CFAP299: variants seen among roughly 807,000 people sequenced by gnomAD.
The protein encoded by CFAP299 is cilia and flagella associated protein 299, also known as cilia- and flagella-associated protein 299.
Under a neutral mutation model 27.0 loss-of-function variants are expected in CFAP299, and 21 were observed. The observed-to-expected ratio is 0.78, with a 90% CI of 0.55 to 1.12. CFAP299 has a LOEUF of 1.12. CFAP299 is among the 50% of genes most tolerant of loss of function. CFAP299 has a pLI of 0.00. For missense variants in CFAP299, 310 were observed against 276.6 expected (o/e 1.12, Z -0.86); for synonymous variants, 104 against 98.1 (o/e 1.06, Z -0.36).
chr4:80,380,945 ATATC>A (rs1420259008), intron 2 of CFAP299, among the ~76,000 whole-genome samples: 1 of 151,994 alleles, frequency 6.6e-6, no homozygotes, highest in Non-Finnish European at 1.5e-5. Context: ...AGATATTCTA[ATATC>A]TAGTATAATT....
intron 2 of CFAP299, among the ~76,000 whole-genome samples, chr4:80,538,951 C>T (rs1230313367): frequency 1.3e-5 from 2 of 152,126 alleles, no homozygotes; most frequent in African/African-American, 4.8e-5. Context: ...CTTGTGAATT[C>T]CTTAATAGGT....
chr4:80,867,496 A>G (rs1228250200), intron 3 of CFAP299, among the ~76,000 whole-genome samples: 1 of 152,234 alleles, frequency 6.6e-6, no homozygotes, highest in Non-Finnish European at 1.5e-5. Context: ...GACACTACAA[A>G]ATACCCCAGA....
At chr4:80,742,923 C>G (rs1724361255) in intron 3 of CFAP299, among the ~76,000 whole-genome samples, 1 of 152,156 alleles carries the variant, frequency 6.6e-6, no homozygotes, top group African/African-American at 2.4e-5. Flanking sequence ...GTAAATGCAA[C>G]TCACTTCAGC....
intron 3 of CFAP299, among the ~76,000 whole-genome samples, chr4:80,663,192 T>C (rs1249311889): frequency 6.6e-6 from 1 of 152,196 alleles, no homozygotes; most frequent in Non-Finnish European, 1.5e-5. Context: ...TGTGCAGGTT[T>C]GTTACATACG....
intron 3 of CFAP299, among the ~76,000 whole-genome samples, chr4:80,605,027 T>C (rs1004840986): frequency 4.6e-5 from 7 of 152,190 alleles, no homozygotes; most frequent in African/African-American, 1.7e-4. Flanking sequence ...CAAGATGATA[T>C]GTTTTGCTAC....
chr4:80,437,154 T>A (rs1728132482), intron 2 of CFAP299, among the ~76,000 whole-genome samples: 1 of 152,180 alleles, frequency 6.6e-6, no homozygotes, highest in Non-Finnish European at 1.5e-5. Context: ...TACAACTAAA[T>A]ATCATCTAGG....
At chr4:80,429,590 A>T (rs528803519) in intron 2 of CFAP299, among the ~76,000 whole-genome samples, 1 of 152,232 alleles carries the variant, frequency 6.6e-6, no homozygotes, top group Non-Finnish European at 1.5e-5. Flanking sequence ...TCTTTGGGTA[A>T]TGTGGACTGA....
At chr4:80,693,423 C>T (rs1461287933) in intron 3 of CFAP299, among the ~76,000 whole-genome samples, 6 of 151,396 alleles carry the variant, frequency 4.0e-5, no homozygotes, top group Non-Finnish European at 5.9e-5. Flanking sequence ...TGGAAATCAT[C>T]ATTCTCAGTA....
chr4:80,383,001 T>TA (rs1400657363), intron 2 of CFAP299, among the ~76,000 whole-genome samples: 3 of 152,064 alleles, frequency 2.0e-5, no homozygotes, highest in African/African-American at 4.8e-5. Context: ...TATGCAGACA[T>TA]AAAAAATAAT....
At chr4:80,854,352 A>G (rs548401430) in intron 3 of CFAP299, among the ~76,000 whole-genome samples, 108 of 151,130 alleles carry the variant, frequency 7.1e-4, no homozygotes, top group African/African-American at 2.3e-3. Flanking sequence ...GGATTCTGCT[A>G]TAAGGAGAAG....
At chr4:80,493,865 T>C (rs999574852) in intron 2 of CFAP299, among the ~76,000 whole-genome samples, 3 of 139,306 alleles carry the variant, frequency 2.2e-5, no homozygotes, top group Non-Finnish European at 4.5e-5. Flanking sequence ...AAGCTCCGCT[T>C]CCCGGGTTCA....
At chr4:80,389,035 A>G (rs1725188375) in intron 2 of CFAP299, among the ~76,000 whole-genome samples, 2 of 152,248 alleles carry the variant, frequency 1.3e-5, no homozygotes, top group East Asian at 1.9e-4. Flanking sequence ...TCCCTTTTAT[A>G]TGCTCTTTAA....
At chr4:80,431,200 G>A (rs188370063) in intron 2 of CFAP299, among the ~76,000 whole-genome samples, 28 of 152,286 alleles carry the variant, frequency 1.8e-4, no homozygotes, top group Admixed American at 9.8e-4. Flanking sequence ...TGGGCAGGAT[G>A]TTTTATCTGT....
intron 2 of CFAP299, among the ~76,000 whole-genome samples, chr4:80,450,910 T>TGAGA (rs747424603): frequency 2.0e-5 from 3 of 147,560 alleles, no homozygotes; most frequent in African/African-American, 5.0e-5. Flanking sequence ...TGTGTGTGTG[T>TGAGA]GAGAGAGAGA....
chr4:80,337,473 C>T (rs1168824323), intron 1 of CFAP299, among the ~76,000 whole-genome samples: 1 of 151,852 alleles, frequency 6.6e-6, no homozygotes, highest in Non-Finnish European at 1.5e-5. Flanking sequence ...TCTCGGCTCA[C>T]TGCAACCTCC....
intron 3 of CFAP299, among the ~76,000 whole-genome samples, chr4:80,637,968 A>G (rs984250653): frequency 1.3e-5 from 2 of 152,236 alleles, no homozygotes; most frequent in African/African-American, 4.8e-5. Flanking sequence ...ATTTCTAGCA[A>G]TAAAGAAAAT....
chr4:80,636,612 G>A lies in CFAP299; in HGVS notation c.333+53429G>A, dbSNP rs200192802. On this transcript the variant is annotated intron_variant, in intron 3 of 5. Transcript: ENST00000358105. ...CTAAAGTGACATGGCTGGTAGAAAA[G>A]TGTTCTAAATCAACATATCTTGGTA... 7.9e-5 allele frequency among the ~76,000 whole-genome samples: 12 copies of A among 152,292 alleles called. No homozygotes were observed. The East Asian group carries it at 1.9e-3, about 24-fold the overall frequency.
intron 3 of CFAP299, among the ~76,000 whole-genome samples, chr4:80,623,196 G>A (rs1160655814): frequency 1.3e-5 from 2 of 151,822 alleles, no homozygotes; most frequent in African/African-American, 2.4e-5. Flanking sequence ...GGGGAAAGGG[G>A]TATTCCTTTC....
At chr4:80,934,701 A>G (rs527281695) in intron 4 of CFAP299, among the ~76,000 whole-genome samples, 3 of 151,952 alleles carry the variant, frequency 2.0e-5, no homozygotes, top group Non-Finnish European at 4.4e-5. Flanking sequence ...ATAGTGTTTT[A>G]AGATCCTTTG....
Sources: gnomAD v4.1 joint callset for allele counts (sites outside exome capture counted in the v4.1 genomes callset) on GRCh38, gnomAD v4.1.1 for gene constraint, MANE v1.5 for transcripts, NCBI Gene and HGNC (gene_info 2026-07-23, HGNC 2026-07-21) for gene names.